The following NCAN variants were observed in gnomAD, a reference collection of about 807,000 sequenced individuals.
NCAN encodes neurocan core protein.
A neutral mutation model predicts 121.8 loss-of-function variants in NCAN; 47 were observed. The observed-to-expected ratio is 0.39, with a 90% confidence interval of 0.31 to 0.49. NCAN has a LOEUF of 0.49. NCAN is among the 20% of genes least tolerant of loss of function. The probability of loss-of-function intolerance (pLI) is 0.92; values close to 1 mark genes in which losing one functional copy is unlikely to be tolerated. For synonymous variants in NCAN, 633 were observed against 702.0 expected, an observed-to-expected ratio of 0.90 and a Z score of 1.55; for missense variants, 1,517 against 1,773.4, an observed-to-expected ratio of 0.86 and a Z score of 2.60.
intron 8 of NCAN, among the ~76,000 whole-genome samples, chr19:19,231,448 C>T (rs2060859663): frequency 6.6e-6 from 1 of 151,852 alleles, no homozygotes; most frequent in Non-Finnish European, 1.5e-5. Context: ...CATGCCTCAG[C>T]CTCCTGAGTA....
intron 1 of NCAN, among the ~76,000 whole-genome samples, chr19:19,214,201 CACTT>C (rs772007164): frequency 1.3e-5 from 2 of 151,302 alleles, no homozygotes; most frequent in African/African-American, 2.4e-5. Flanking sequence ...GACACACACA[CACTT>C]ACACACACAC....
In NCAN at chr19:19,225,299, C is replaced by G; in HGVS notation, c.1072+29C>G. On this transcript the variant is annotated intron_variant, in intron 6 of 14. Coordinates refer to ENST00000252575, the MANE Select transcript of NCAN (RefSeq NM_004386.3). This position sits in a 1 kb window ranked among gnomAD's most constrained non-coding sequence, Gnocchi z 4.0. ...CGTGCGTCCCCTGGTGGCCGCGCCCCCAGGGCTTTCACTTTGGCGAAGGCC... is the reference window on the plus strand; with the variant it reads ...CGTGCGTCCCCTGGTGGCCGCGCCCGCAGGGCTTTCACTTTGGCGAAGGCC... 5 of 1,493,490 alleles carry G rather than the reference C, an allele frequency of 3.3e-6. No homozygotes were observed. The highest frequency in any genetic ancestry group is 4.4e-6 in the Non-Finnish European group (5 of 1,137,720). 92.5% of individuals were successfully genotyped at this position (1,493,490 alleles called of 1,614,324 possible).
Position 19,212,075 on chromosome 19 carries a change from C to T in NCAN, c.-8+11C>T. The T allele has an allele frequency of 1.0e-5, 2 of 196,238 alleles. No individual in the cohort carries two copies. The highest frequency in any genetic ancestry group is 1.1e-5 in the Non-Finnish European group (1 of 90,272). The allele number at this position is 196,238 out of a possible 1,614,324, so 12.2% of individuals were successfully genotyped here. On this transcript the variant is annotated intron_variant, in intron 1 of 14. Coordinates refer to ENST00000252575, the MANE Select transcript of NCAN (RefSeq NM_004386.3). This position sits in a 1 kb window ranked among gnomAD's most constrained non-coding sequence, Gnocchi z 4.5. Reference sequence around the variant, plus strand: ...CGAGCTAGGAGCCAGGTGGGGGATCCGTGAGGGGGCCGTGTTGCGGGAGAA... The same window carrying T: ...CGAGCTAGGAGCCAGGTGGGGGATCTGTGAGGGGGCCGTGTTGCGGGAGAA...
chr19:19,221,366 G>A (rs111613086), intron 3 of NCAN, among the ~76,000 whole-genome samples: 9 of 152,050 alleles, frequency 5.9e-5, no homozygotes, highest in African/African-American at 2.2e-4. Context: ...TCAGGAGTTC[G>A]AGACCAGCCT....
chr19:19,240,513 C>A, intron 11 of NCAN, 90 bp from the exon 12 acceptor site: 1 of 1,295,540 alleles, frequency 7.7e-7, no homozygotes, highest in South Asian at 1.2e-5. Flanking sequence ...TTCTTTCCTC[C>A]CACACCCTAC....
Position 19,228,434 on chromosome 19 carries a change from G to C in NCAN, c.2814G>C (p.Val938=), listed in dbSNP as rs2146544400. Residue 938 remains valine (V), a synonymous_variant, in exon 8 of 15, where the codon GTG becomes GTC. Coordinates refer to ENST00000252575, the MANE Select transcript of NCAN (RefSeq NM_004386.3). ...CTGGGACACCGACTGCAGCCAGTGT[G>C]GGCGAGTCTGCCTCAGTTTCCTCAG... ...VPPGTPTAAS[V]GESASVSSGE... The C allele has an allele frequency of 6.2e-7, 1 of 1,613,670 alleles. No homozygotes were observed. Among genetic ancestry groups the C allele is most frequent in the East Asian group, 2.2e-5 (1 of 44,888 alleles).
chr19:19,235,161 T>TC (rs2060876354), intron 10 of NCAN, 65 bp downstream of exon 10: 1 of 1,002,122 alleles, frequency 1.0e-6, no homozygotes, highest in South Asian at 1.4e-5. Context: ...GCCACAGGCT[T>TC]CCCCACATAC....
chr19:19,226,138 C>T (rs1160182672), intron 6 of NCAN, among the ~76,000 whole-genome samples: 1 of 152,104 alleles, frequency 6.6e-6, no homozygotes, highest in Non-Finnish European at 1.5e-5. Context: ...CCATGTTGGC[C>T]AGGCTGGTCT....
At chr19:19,226,297 G>A (rs531359696) in intron 6 of NCAN, among the ~76,000 whole-genome samples, 189 bp from the exon 7 acceptor site, 1 of 152,258 alleles carries the variant, frequency 6.6e-6, no homozygotes, top group East Asian at 1.9e-4. Flanking sequence ...GTGGTCTCCA[G>A]CCTGAACAGT....
rs1003270768 is a variant in NCAN at position 19,247,488 on chromosome 19, T to G, written c.3638-1212T>G. Among the ~76,000 whole-genome samples, 5 of 152,078 alleles carry G rather than the reference T, an allele frequency of 3.3e-5. No individual in the cohort carries two copies. In the South Asian group the frequency reaches 6.2e-4, roughly 19 times the overall value. ...CAGGATGGTCTCGATCTCCTGACCT[T>G]GTGATCCGCCTGCCTCGGCCTCCCA... On this transcript the variant is annotated intron_variant, in intron 13 of 14. Transcript: ENST00000252575.
At chr19:19,224,470 T>G (rs757780206) in intron 5 of NCAN, 37 bp downstream of exon 5, 1 of 1,600,100 alleles carries the variant, frequency 6.2e-7, no homozygotes, top group Non-Finnish European at 8.5e-7. Flanking sequence ...CCCCTCCGCC[T>G]CTCTTTGAGT....
At position 19,225,126 on chromosome 19, in the gene NCAN, G is replaced by T; in HGVS notation, c.928G>T (p.Ala310Ser). The T allele has an allele frequency of 6.5e-7, 1 of 1,530,428 alleles. No individual in the cohort carries two copies. Among genetic ancestry groups the T allele is most frequent in the East Asian group, 2.5e-5 (1 of 39,550 alleles). The allele number at this position is 1,530,428 out of a possible 1,614,324, so 94.8% of individuals were successfully genotyped here. A position where few individuals can be genotyped will look rare whatever the true frequency, so the allele number is the denominator to read the frequency against. ...GLDQCDPGWL[A>S]DGSVRYPIQT... ...GGACCAGTGCGACCCGGGCTGGCTG[G>T]CCGACGGCAGCGTGCGCTACCCGAT... Residue 310 changes from alanine (A) to serine (S), a missense_variant, in exon 6 of 15, where the codon GCC becomes TCC. Transcript: ENST00000252575. This position sits in a 1 kb window ranked among gnomAD's most constrained non-coding sequence, Gnocchi z 4.0.
In NCAN at chr19:19,215,154, G is replaced by C. The variant is rs3761077; in HGVS notation, c.-7-1793G>C. Reference sequence around the variant, plus strand: ...CAGCACCACGGACAGGTCCCAGGCCGGCCTCCCAGCAGGGGACTCTGGGAG... The same window carrying C: ...CAGCACCACGGACAGGTCCCAGGCCCGCCTCCCAGCAGGGGACTCTGGGAG... On this transcript the variant is annotated intron_variant, in intron 1 of 14. Coordinates refer to ENST00000252575, the MANE Select transcript of NCAN (RefSeq NM_004386.3). Among the ~76,000 whole-genome samples the C allele has an allele frequency of 3.3e-5, 5 of 152,232 alleles. No homozygotes were observed. The East Asian group carries it at 9.7e-4, about 30-fold the overall frequency.
chr19:19,250,371 A>G lies in NCAN; in HGVS notation c.*460A>G. 2.8e-6 allele frequency: 1 copy of G among 356,510 alleles called. No homozygotes were observed. The highest frequency in any genetic ancestry group is 5.5e-6 in the Non-Finnish European group (1 of 182,158). 22.1% of individuals were successfully genotyped at this position (356,510 alleles called of 1,614,324 possible). A position where few individuals can be genotyped will look rare whatever the true frequency, so the allele number is the denominator to read the frequency against. ...GGACGTAGGGTCATTAGCTTTGGGA[A>G]TAGAAGGCTACACAGAAGCACACTG... On this transcript the variant is annotated 3_prime_UTR_variant, in exon 15 of 15. Coordinates refer to ENST00000252575, the MANE Select transcript of NCAN (RefSeq NM_004386.3).
intron 11 of NCAN, among the ~76,000 whole-genome samples, chr19:19,240,330 G>A (rs1451773534): frequency 1.3e-5 from 2 of 151,650 alleles, no homozygotes; most frequent in Non-Finnish European, 2.9e-5. Context: ...GCTGGGGAAG[G>A]GGCTGAGTCT....
Position 19,224,361 on chromosome 19 carries a change from G to A in NCAN, c.706G>A (p.Gly236Arg). 3 of 1,614,084 alleles carry A rather than the reference G, an allele frequency of 1.9e-6. No homozygotes were observed. The highest frequency in any genetic ancestry group is 2.5e-6 in the Non-Finnish European group (3 of 1,179,996). ...GCYGDRSSLP[G>R]VRSYGRRNPQ... ...CTATGGCGACCGTAGCAGCCTTCCA[G>A]GGGTTCGGAGCTATGGGAGGCGCAA... Residue 236 changes from glycine to arginine, a missense_variant, in exon 5 of 15, where the codon GGG (glycine) becomes AGG (arginine). By Grantham distance (125) the Gly-to-Arg change is moderately radical (BLOSUM62 -2). Coordinates refer to ENST00000252575, the MANE Select transcript of NCAN (RefSeq NM_004386.3).
chr19:19,235,590 T>C (rs1024669463), intron 10 of NCAN, among the ~76,000 whole-genome samples: 2 of 151,714 alleles, frequency 1.3e-5, no homozygotes, highest in African/African-American at 4.8e-5. Flanking sequence ...TTTATTTTTT[T>C]TTTTTGAGAC....
intron 1 of NCAN, among the ~76,000 whole-genome samples, chr19:19,215,162 A>G (rs561920762): frequency 7.9e-5 from 12 of 152,172 alleles, no homozygotes; most frequent in Admixed American, 1.3e-4. Flanking sequence ...CCGGCCTCCC[A>G]GCAGGGGACT....
At chr19:19,217,149 T>C in intron 2 of NCAN, 123 bp downstream of exon 2, 2 of 673,240 alleles carry the variant, frequency 3.0e-6, no homozygotes, top group Non-Finnish European at 2.2e-6. Flanking sequence ...AAAATGAGAA[T>C]AGATTTTAAA....
Sources: allele counts gnomAD v4.1 joint callset (sites outside exome capture counted in the v4.1 genomes callset), GRCh38; gene constraint gnomAD v4.1.1; non-coding constraint Gnocchi (gnomAD v3.1); transcripts MANE v1.5; gene names NCBI Gene and HGNC (gene_info 2026-07-23, HGNC 2026-07-21).